PFKFB1: variants seen among roughly 807,000 people sequenced by gnomAD.
PFKFB1 encodes 6-phosphofructo-2-kinase/fructose-2,6-bisphosphatase 1.
A neutral mutation model predicts 46.4 loss-of-function variants in PFKFB1; 34 were observed. That is an observed-to-expected ratio of 0.73 (90% CI 0.56 to 0.98). The LOEUF is 0.98. Among genes scored for constraint, PFKFB1 ranks in the 50% least tolerant of loss-of-function variants. The probability of loss-of-function intolerance (pLI) is 0.00; values close to 1 mark genes in which losing one functional copy is unlikely to be tolerated. For missense variants in PFKFB1, 393 were observed against 376.3 expected (o/e 1.04, Z -0.37); for synonymous variants, 119 against 133.8 (o/e 0.89, Z 0.76).
In PFKFB1 at chrX:54,933,463, C is replaced by G. The variant is rs750568875; in HGVS notation, c.1357-1G>C. ...CAGGTTCCCGGGTGATGTCCACATT[C>G]TGAGGAGAGAGCGCAGGATTAATAG... On this transcript the variant is annotated splice_acceptor_variant, in intron 13 of 13. Coordinates refer to ENST00000375006, the MANE Select transcript of PFKFB1 (RefSeq NM_002625.4). LOFTEE classifies it high-confidence loss of function. The G allele has an allele frequency of 8.3e-7, 1 of 1,200,151 alleles. No individual in the cohort carries two copies. The highest frequency in any genetic ancestry group is 2.2e-5 in the Admixed American group (1 of 45,749).
intron 8 of PFKFB1, among the ~76,000 whole-genome samples, chrX:54,950,615 G>C (rs1453532004): frequency 8.9e-6 from 1 of 112,535 alleles, no homozygotes; most frequent in Non-Finnish European, 1.9e-5. Flanking sequence ...GCTGGGCTCC[G>C]AGCTGTGTGG....
chrX:54,951,797 C>A (rs1425172932), intron 8 of PFKFB1, 108 bp downstream of exon 8: 11 of 605,551 alleles, frequency 1.8e-5, no homozygotes, highest in Non-Finnish European at 2.6e-5. Context: ...GCTTCTCCCC[C>A]ATCCCTGGGT....
At chrX:54,972,845 C>T (rs781229767) in intron 1 of PFKFB1, among the ~76,000 whole-genome samples, 14 of 111,282 alleles carry the variant, frequency 1.3e-4, no homozygotes, top group East Asian at 2.8e-4. Context: ...GGATGATGCT[C>T]GTCTCATCAA....
At chrX:54,993,400 G>C (rs1431498533) in intron 1 of PFKFB1, among the ~76,000 whole-genome samples, 1 of 111,253 alleles carries the variant, frequency 9.0e-6, no homozygotes, top group Non-Finnish European at 1.9e-5. Context: ...ACTCAGAAAA[G>C]GCCTGAGAAA....
intron 1 of PFKFB1, among the ~76,000 whole-genome samples, chrX:54,969,143 A>C (rs1934565079): frequency 9.0e-6 from 1 of 111,568 alleles, no homozygotes; most frequent in South Asian, 3.8e-4. Context: ...TCCAAAGTTC[A>C]TGTGTTGGAA....
chrX:54,936,540 A>G (rs985479197), intron 11 of PFKFB1, among the ~76,000 whole-genome samples: 18 of 111,816 alleles, frequency 1.6e-4, no homozygotes, highest in Middle Eastern at 9.2e-3. Flanking sequence ...ACCTTGTGCC[A>G]GTCACTTCAC....
rs1400377844 is a variant in PFKFB1, at chrX:54,993,896, G to T, written c.97+15C>A. ...CACCACCACCTTTAAACCCACGGAA[G>T]CAAACCCCACTTACAGCCCCTTCTC... On this transcript the variant is annotated intron_variant, in intron 1 of 13. Coordinates refer to ENST00000375006, the MANE Select transcript of PFKFB1 (RefSeq NM_002625.4). 8.3e-7 allele frequency: 1 copy of T among 1,198,484 alleles called. No homozygotes were observed. The highest frequency in any genetic ancestry group is 2.2e-5 in the Admixed American group (1 of 44,655).
chrX:54,978,180 G>A (rs949431519), intron 1 of PFKFB1, among the ~76,000 whole-genome samples: 1 of 111,001 alleles, frequency 9.0e-6, no homozygotes, highest in African/African-American at 3.3e-5. Context: ...AGAACAGAAC[G>A]CAGAAGCCAA....
intron 1 of PFKFB1, among the ~76,000 whole-genome samples, chrX:54,986,059 G>A (rs1935104221): frequency 8.9e-6 from 1 of 111,847 alleles, no homozygotes; most frequent in African/African-American, 3.2e-5. Flanking sequence ...TTTTAAATCA[G>A]AACAGATTAA....
rs1933276725 is a variant in PFKFB1 at position 54,933,243 on chromosome X, C to T, written c.*160G>A. The T allele has an allele frequency of 1.1e-5, 5 of 462,454 alleles. No individual in the cohort carries two copies. The highest frequency in any genetic ancestry group is 7.3e-5 in the Admixed American group (2 of 27,260). The allele number at this position is 462,454 out of a possible 1,213,427, so 38.1% of individuals were successfully genotyped here. ...CCAGAGCTAGATAGCTCCTTGGTTG[C>T]GGCCAGCAAGCGAGGCTTGTTTGGG... On this transcript the variant is annotated 3_prime_UTR_variant, in exon 14 of 14. Transcript: ENST00000375006.
chrX:54,987,957 T>C (rs1935147990), intron 1 of PFKFB1, among the ~76,000 whole-genome samples: 2 of 111,542 alleles, frequency 1.8e-5, no homozygotes, highest in Non-Finnish European at 3.8e-5. Flanking sequence ...TTTCATCTCA[T>C]CTTTTCAACA....
chrX:54,934,115 C>G (rs1933309592), intron 12 of PFKFB1, among the ~76,000 whole-genome samples: 2 of 111,914 alleles, frequency 1.8e-5, no homozygotes, highest in African/African-American at 3.2e-5. Context: ...CCCTAACAGT[C>G]TTAGTTCGCT....
rs1933272561 is a variant in PFKFB1 at position 54,933,127 on chromosome X, T to C, written c.*276A>G. 5.6e-6 allele frequency: 2 copies of C among 356,079 alleles called. No homozygotes were observed. Among genetic ancestry groups the C allele is most frequent in the East Asian group, 4.9e-5 (1 of 20,572 alleles). 29.3% of individuals were successfully genotyped at this position (356,079 alleles called of 1,213,427 possible). On this transcript the variant is annotated 3_prime_UTR_variant, in exon 14 of 14. Transcript: ENST00000375006. The stretch of plus-strand genomic sequence containing the variant: ...TTAGGGTCAGTACCTTGAGAACAAC[T>C]GGAAAAGCCTCGCCATGACCTCCTC...
chrX:54,973,298 G>T (rs1251138660), intron 1 of PFKFB1, among the ~76,000 whole-genome samples: 1 of 111,194 alleles, frequency 9.0e-6, no homozygotes, highest in African/African-American at 3.3e-5. Context: ...CCAGCTCCTG[G>T]ATTCATTAAT....
upstream of PFKFB1, chrX:54,998,301 G>T (rs1359260450): frequency 6.5e-6 from 4 of 614,534 alleles, no homozygotes; most frequent in Non-Finnish European, 1.0e-5. Flanking sequence ...GCCCTTTAAT[G>T]CACACGACAA....
chrX:54,994,457 T>C (rs1935326739), upstream of PFKFB1: 1 of 754,142 alleles, frequency 1.3e-6, no homozygotes, highest in Non-Finnish European at 1.6e-6. Context: ...GCAAAGGTGA[T>C]GGAGGTAGGT....
chrX:54,936,213 C>T (rs758314802), intron 11 of PFKFB1, among the ~76,000 whole-genome samples: 1 of 111,290 alleles, frequency 9.0e-6, no homozygotes, highest in East Asian at 2.9e-4. Flanking sequence ...ATGACCTTGG[C>T]CCGGGCTCTT....
rs537285082 is a variant in PFKFB1, at chrX:54,981,876, A to T, written c.97+12035T>A. On this transcript the variant is annotated intron_variant, in intron 1 of 13. Coordinates refer to ENST00000375006, the MANE Select transcript of PFKFB1 (RefSeq NM_002625.4). ...GAGAACTGAGGCCATAGAGAAAACT[A>T]CTACCTTGAAATCTGAAGAGTCAGG... Among the ~76,000 whole-genome samples, 17 of 111,425 alleles carry T rather than the reference A, an allele frequency of 1.5e-4. No individual in the cohort carries two copies. The South Asian group carries it at 6.0e-3, about 39-fold the overall frequency.
intron 5 of PFKFB1, 146 bp downstream of exon 5, chrX:54,958,705 G>T: frequency 2.2e-6 from 1 of 459,937 alleles, no homozygotes; most frequent in Non-Finnish European, 3.8e-6. Context: ...TGCTGCTTCT[G>T]ACTATATCCT....
Sources: gnomAD v4.1 joint callset for allele counts (sites outside exome capture counted in the v4.1 genomes callset) on GRCh38, gnomAD v4.1.1 for gene constraint, MANE v1.5 for transcripts, NCBI Gene and HGNC (gene_info 2026-07-23, HGNC 2026-07-21) for gene names.